The following SETBP1 variants were observed in gnomAD, a reference collection of about 807,000 sequenced individuals.
The protein encoded by SETBP1 is SET binding protein 1, also known as SET-binding protein.
Under a neutral mutation model 101.0 loss-of-function variants are expected in SETBP1, and 9 were observed. The ratio of observed to expected loss-of-function variants is 0.09; its 90% CI spans 0.05 to 0.16. SETBP1 has a LOEUF of 0.16. Among genes scored for constraint, SETBP1 ranks in the 10% least tolerant of loss-of-function variants. The pLI is 1.00. For missense variants in SETBP1, 1,858 were observed against 2,033.8 expected (o/e 0.91, Z 1.66); for synonymous variants, 818 against 788.5 (o/e 1.04, Z -0.63).
At chr18:44,893,111 C>T (rs964552762) in intron 3 of SETBP1, among the ~76,000 whole-genome samples, 1 of 152,150 alleles carries the variant, frequency 6.6e-6, no homozygotes, top group African/African-American at 2.4e-5. Flanking sequence ...ATGACATTAA[C>T]AGTCCCTTTT....
intron 5 of SETBP1, among the ~76,000 whole-genome samples, chr18:45,049,780 C>T (rs1197457122): frequency 6.6e-6 from 1 of 152,074 alleles, no homozygotes. Context: ...GTGTCATCTG[C>T]AGTAATATCT....
At chr18:44,709,722 C>T (rs2069298192) in intron 2 of SETBP1, among the ~76,000 whole-genome samples, 1 of 151,474 alleles carries the variant, frequency 6.6e-6, no homozygotes, top group Non-Finnish European at 1.5e-5. Flanking sequence ...GAGGCCTGGG[C>T]TGTGTTGAAT....
In SETBP1 at chr18:44,813,952, C is replaced by T. The variant is rs140872214; in HGVS notation, c.487-55278C>T. Among the ~76,000 whole-genome samples the T allele has an allele frequency of 3.3e-5, 5 of 152,182 alleles. No homozygotes were observed. The East Asian group carries it at 9.7e-4, about 29-fold the overall frequency. On this transcript the variant is annotated intron_variant, in intron 2 of 5. Coordinates refer to ENST00000649279, the MANE Select transcript of SETBP1 (RefSeq NM_015559.3). Reference sequence around the variant, plus strand: ...TGTCTGCCAGGTTGAATCTGCAGGTCCTTTGGTTCTGTTCCGTGATAGAGT... The same window carrying T: ...TGTCTGCCAGGTTGAATCTGCAGGTTCTTTGGTTCTGTTCCGTGATAGAGT...
intron 5 of SETBP1, among the ~76,000 whole-genome samples, chr18:45,049,102 A>C (rs10502851): frequency 0.2 from 31,016 of 152,024 alleles, 4,294 homozygotes; most frequent in East Asian, 0.63. Context: ...TTAAATGAAT[A>C]GATCGAATAA....
At chr18:44,813,099 C>T (rs953881563) in intron 2 of SETBP1, among the ~76,000 whole-genome samples, 17 of 152,002 alleles carry the variant, frequency 1.1e-4, no homozygotes, top group African/African-American at 4.1e-4. Flanking sequence ...AGAAAGAAAC[C>T]AATGCGGTTT....
At chr18:44,944,494 A>G (rs2071157999) in intron 3 of SETBP1, among the ~76,000 whole-genome samples, 1 of 152,144 alleles carries the variant, frequency 6.6e-6, no homozygotes, top group Admixed American at 6.5e-5. Context: ...TCTCCCTGAG[A>G]GATTGTGAGT....
intron 2 of SETBP1, among the ~76,000 whole-genome samples, chr18:44,708,339 C>G (rs2069265007): frequency 6.6e-6 from 1 of 152,198 alleles, no homozygotes; most frequent in African/African-American, 2.4e-5. Flanking sequence ...TGAGCTTCTT[C>G]CTCCACAACA....
chr18:44,924,046 T>C lies in SETBP1; in HGVS notation c.541-25835T>C, dbSNP rs550072204. 7.2e-5 allele frequency among the ~76,000 whole-genome samples: 11 copies of C among 152,278 alleles called. No individual in the cohort carries two copies. The East Asian group carries it at 2.1e-3, about 29-fold the overall frequency. ...CTTCTCTTGCCAAATTTTCTGCTTT[T>C]CAGAAAAATCCCTACAGTCATCTTT... On this transcript the variant is annotated intron_variant, in intron 3 of 5. Coordinates refer to ENST00000649279, the MANE Select transcript of SETBP1 (RefSeq NM_015559.3).
chr18:44,687,630 G>A (rs1031683307), intron 1 of SETBP1, among the ~76,000 whole-genome samples: 7 of 152,088 alleles, frequency 4.6e-5, no homozygotes, highest in African/African-American at 1.7e-4. Flanking sequence ...GGTTCTCTTT[G>A]GTAAAATAAC....
intron 5 of SETBP1, among the ~76,000 whole-genome samples, chr18:45,054,939 G>A (rs2073783899): frequency 6.6e-6 from 1 of 152,144 alleles, no homozygotes; most frequent in Non-Finnish European, 1.5e-5. Flanking sequence ...CATGGATAGG[G>A]CACCCCTCAC....
intron 2 of SETBP1, among the ~76,000 whole-genome samples, chr18:44,771,567 A>G (rs180721348): frequency 1.3e-5 from 2 of 152,220 alleles, no homozygotes; most frequent in East Asian, 3.9e-4. Context: ...AGTCCCTAAG[A>G]CAGAGTTGGG....
intron 2 of SETBP1, among the ~76,000 whole-genome samples, chr18:44,766,334 AT>A (rs2070763224): frequency 6.6e-6 from 1 of 152,220 alleles, no homozygotes; most frequent in African/African-American, 2.4e-5. Flanking sequence ...AGGTCTGTAA[AT>A]TGGAATGATG....
intron 3 of SETBP1, among the ~76,000 whole-genome samples, chr18:44,879,598 A>G (rs566903883): frequency 6.6e-6 from 1 of 152,286 alleles, no homozygotes; most frequent in East Asian, 1.9e-4. Context: ...CAACAGAAAA[A>G]ACAAACAAAC....
intron 2 of SETBP1, among the ~76,000 whole-genome samples, chr18:44,713,771 G>A (rs1286847057): frequency 2.6e-5 from 4 of 152,164 alleles, no homozygotes; most frequent in African/African-American, 4.8e-5. Flanking sequence ...TATCACATCC[G>A]ATAGTCAGTC....
intron 4 of SETBP1, among the ~76,000 whole-genome samples, chr18:44,955,129 G>A (rs78005809): frequency 0.013 from 2,010 of 152,284 alleles, 45 homozygotes; most frequent in African/African-American, 0.046. Context: ...TTTGTCTGTG[G>A]CCAGGCTGTG....
chr18:45,012,758 A>T (rs2072865758), intron 4 of SETBP1, among the ~76,000 whole-genome samples: 1 of 152,220 alleles, frequency 6.6e-6, no homozygotes, highest in Non-Finnish European at 1.5e-5. Flanking sequence ...AGTAACTCAG[A>T]ATCAGAAAGT....
At chr18:44,705,673 C>T (rs145422290) in intron 2 of SETBP1, among the ~76,000 whole-genome samples, 7 of 152,202 alleles carry the variant, frequency 4.6e-5, no homozygotes, top group South Asian at 2.1e-4. Flanking sequence ...CTGTGTGATA[C>T]GGGTAGCATG....
intron 2 of SETBP1, among the ~76,000 whole-genome samples, chr18:44,818,857 A>T (rs184442064): frequency 6.6e-6 from 1 of 151,978 alleles, no homozygotes; most frequent in East Asian, 1.9e-4. Context: ...AAAACATGCT[A>T]CCATACACTC....
chr18:45,013,663 C>T (rs1387308825), intron 4 of SETBP1, among the ~76,000 whole-genome samples: 1 of 152,184 alleles, frequency 6.6e-6, no homozygotes, highest in Non-Finnish European at 1.5e-5. Context: ...TGGTCTCGAA[C>T]TCCTGACCTC....
Sources: allele counts gnomAD v4.1 joint callset (sites outside exome capture counted in the v4.1 genomes callset), GRCh38; gene constraint gnomAD v4.1.1; transcripts MANE v1.5; gene names NCBI Gene and HGNC (gene_info 2026-07-23, HGNC 2026-07-21).